The following EXOC4 variants were observed in gnomAD, a reference collection of about 807,000 sequenced individuals.
The protein encoded by EXOC4 is SEC8-like 1.
A neutral mutation model predicts 107.2 loss-of-function variants in EXOC4; 71 were observed. The observed-to-expected ratio is 0.66, with a 90% confidence interval of 0.55 to 0.81. The LOEUF (loss-of-function observed/expected upper bound fraction) is 0.81. Among genes scored for constraint, EXOC4 ranks in the 30% least tolerant of loss-of-function variants. The pLI is 0.00. For missense variants in EXOC4, 1,108 were observed against 1,189.6 expected, an observed-to-expected ratio of 0.93 and a Z score of 1.01; for synonymous variants, 456 against 441.2, an observed-to-expected ratio of 1.03 and a Z score of -0.42.
At chr7:133,969,368 A>G (rs548606682) in intron 14 of EXOC4, among the ~76,000 whole-genome samples, 89 of 152,208 alleles carry the variant, frequency 5.8e-4, no homozygotes, top group Middle Eastern at 6.8e-3. Flanking sequence ...TTCTCCATCC[A>G]GTTTTGTTCC....
intron 17 of EXOC4, among the ~76,000 whole-genome samples, chr7:134,034,393 A>G (rs1383234497): frequency 6.6e-6 from 1 of 152,220 alleles, no homozygotes; most frequent in East Asian, 1.9e-4. Context: ...GCTGTGATAT[A>G]GTTAGGCTTT....
chr7:133,275,206 T>C, intron 2 of EXOC4, 35 bp downstream of exon 2: 1 of 1,513,702 alleles, frequency 6.6e-7, no homozygotes, highest in Non-Finnish European at 9.0e-7. Flanking sequence ...GTGGCAGCAC[T>C]TCCCATCACT....
chr7:133,505,270 C>T (rs932062256), intron 9 of EXOC4, among the ~76,000 whole-genome samples: 3 of 152,076 alleles, frequency 2.0e-5, no homozygotes, highest in Non-Finnish European at 4.4e-5. Flanking sequence ...TAATGATTCC[C>T]AGGAACCACA....
rs74753090 is a variant in EXOC4 at position 133,729,642 on chromosome 7, C to A, written c.1515-87683C>A. 1.9e-3 allele frequency among the ~76,000 whole-genome samples: 293 copies of A among 152,172 alleles called. 5 individuals are homozygous for A. Among genetic ancestry groups the A allele is most frequent in the African/African-American group, 6.8e-3 (281 of 41,556 alleles). On this transcript the variant is annotated intron_variant, in intron 10 of 17. Transcript: ENST00000253861. ...GGAGTGCTTACTTACAGAATAACTT[C>A]TTTGGTCTTTTCAAAGATGGTAAGA...
intron 17 of EXOC4, among the ~76,000 whole-genome samples, chr7:134,028,517 G>T (rs879143620): frequency 1.3e-5 from 2 of 152,342 alleles, no homozygotes; most frequent in South Asian, 4.1e-4. Context: ...CTGCTGCTGA[G>T]ATGCGTAAAG....
At chr7:133,605,088 G>A (rs1729848025) in intron 9 of EXOC4, among the ~76,000 whole-genome samples, 1 of 152,006 alleles carries the variant, frequency 6.6e-6, no homozygotes, top group South Asian at 2.1e-4. Context: ...TCTTTCATAG[G>A]TTGTTAGGTA....
intron 10 of EXOC4, among the ~76,000 whole-genome samples, chr7:133,772,162 T>C (rs2151163544): frequency 6.6e-6 from 1 of 151,998 alleles, no homozygotes; most frequent in East Asian, 1.9e-4. Context: ...TCAACAATTA[T>C]ACAGCCGTTC....
At chr7:133,597,120 C>T (rs560755211) in intron 9 of EXOC4, among the ~76,000 whole-genome samples, 1 of 152,156 alleles carries the variant, frequency 6.6e-6, no homozygotes, top group African/African-American at 2.4e-5. Context: ...GAGCAGCCCC[C>T]CTCCTCACCT....
chr7:133,476,575 G>T (rs1360091374), intron 8 of EXOC4, among the ~76,000 whole-genome samples: 1 of 152,084 alleles, frequency 6.6e-6, no homozygotes, highest in Non-Finnish European at 1.5e-5. Flanking sequence ...AATAATTAAA[G>T]CTTCAACAGT....
chr7:133,520,856 G>C (rs988221914), intron 9 of EXOC4, among the ~76,000 whole-genome samples: 3 of 151,970 alleles, frequency 2.0e-5, no homozygotes, highest in Admixed American at 6.6e-5. Context: ...AAGTTTTTGA[G>C]TTTCATTTAT....
intron 14 of EXOC4, among the ~76,000 whole-genome samples, chr7:133,975,048 G>A (rs1326276825): frequency 2.0e-5 from 3 of 150,322 alleles, no homozygotes; most frequent in Admixed American, 6.6e-5. Context: ...GTTCTGTATC[G>A]CATATGGAGG....
At chr7:133,445,228 A>G (rs1798191952) in intron 7 of EXOC4, among the ~76,000 whole-genome samples, 1 of 152,148 alleles carries the variant, frequency 6.6e-6, no homozygotes, top group Non-Finnish European at 1.5e-5. Context: ...TAGGTTTCTG[A>G]TCTTCAGATT....
At chr7:133,778,590 C>G (rs1428170394) in intron 10 of EXOC4, among the ~76,000 whole-genome samples, 1 of 152,126 alleles carries the variant, frequency 6.6e-6, no homozygotes, top group Non-Finnish European at 1.5e-5. Flanking sequence ...TCTCAAAAAA[C>G]AAAGACTTCT....
the EXOC4 span, among the ~76,000 whole-genome samples, chr7:134,097,964 C>G: frequency 6.6e-6 from 1 of 152,134 alleles, no homozygotes; most frequent in African/African-American, 2.4e-5. Context: ...ACTGGATTCT[C>G]AGATTCCAGT....
At chr7:133,928,239 C>T (rs1180571741) in intron 13 of EXOC4, among the ~76,000 whole-genome samples, 1 of 152,168 alleles carries the variant, frequency 6.6e-6, no homozygotes, top group African/African-American at 2.4e-5. Flanking sequence ...GAAAGTCAGG[C>T]TGGCAGTGGT....
chr7:133,817,416 T>C lies in EXOC4; in HGVS notation c.1606T>C (p.Phe536Leu). 1 of 1,614,118 alleles carries C rather than the reference T, an allele frequency of 6.2e-7. No individual in the cohort carries two copies. Among genetic ancestry groups the C allele is most frequent in the Non-Finnish European group, 8.5e-7 (1 of 1,179,966 alleles). ...TCTCACCGTGTACATCAAAAACATCTTTCTCAATCAAGTCTTGGCTGAGAT... is the reference window on the plus strand; with the variant it reads ...TCTCACCGTGTACATCAAAAACATCCTTCTCAATCAAGTCTTGGCTGAGAT... ...EFLTVYIKNI[F>L]LNQVLAEINK... is the part of the protein sequence containing the mutation. Residue 536 changes from phenylalanine to leucine, a missense_variant, in exon 11 of 18, where the codon TTT (phenylalanine) becomes CTT (leucine). Transcript: ENST00000253861.
chr7:134,022,757 A>G (rs1214559925), intron 17 of EXOC4, among the ~76,000 whole-genome samples: 1 of 152,214 alleles, frequency 6.6e-6, no homozygotes, highest in Non-Finnish European at 1.5e-5. Flanking sequence ...TGAGGCCTGT[A>G]TACTGGCCAG....
intron 17 of EXOC4, among the ~76,000 whole-genome samples, chr7:134,014,957 A>G (rs1225730328): frequency 6.6e-6 from 1 of 152,200 alleles, no homozygotes; most frequent in Non-Finnish European, 1.5e-5. Flanking sequence ...GGTAGAAGAT[A>G]AAGGAAGAAT....
At chr7:133,709,660 T>G (rs1273827885) in intron 10 of EXOC4, among the ~76,000 whole-genome samples, 2 of 150,370 alleles carry the variant, frequency 1.3e-5, no homozygotes, top group Admixed American at 6.6e-5. Context: ...TTTTTTTTTT[T>G]TTTTTTCAAA....
Sources: gnomAD v4.1 joint callset for allele counts (sites outside exome capture counted in the v4.1 genomes callset) on GRCh38, gnomAD v4.1.1 for gene constraint, MANE v1.5 for transcripts, NCBI Gene and HGNC (gene_info 2026-07-23, HGNC 2026-07-21) for gene names.